CEP128: variants seen among roughly 807,000 people sequenced by gnomAD.
CEP128 encodes the protein centrosomal protein 128, also known as centrosomal protein 128kDa.
A neutral mutation model predicts 156.7 loss-of-function variants in CEP128; 132 were observed. The ratio of observed to expected loss-of-function variants is 0.84; its 90% CI spans 0.73 to 0.97. CEP128 has a LOEUF of 0.97. Ranked by LOEUF, CEP128 falls within the 50% of genes least tolerant of loss-of-function variation. The pLI is 0.00. For missense variants in CEP128, 1,252 were observed against 1,281.9 expected, an observed-to-expected ratio of 0.98 and a Z score of 0.36; for synonymous variants, 469 against 448.9, an observed-to-expected ratio of 1.04 and a Z score of -0.57.
chr14:80,691,597 A>C (rs1896721663), intron 19 of CEP128, among the ~76,000 whole-genome samples: 1 of 152,188 alleles, frequency 6.6e-6, no homozygotes, highest in African/African-American at 2.4e-5. Context: ...TAGATTTATA[A>C]AATTTCAGCT....
intron 19 of CEP128, among the ~76,000 whole-genome samples, chr14:80,634,387 A>G (rs1436449182): frequency 6.6e-6 from 1 of 152,254 alleles, no homozygotes; most frequent in Admixed American, 6.5e-5. Context: ...TAAAGCAATA[A>G]AAATGTTCTC....
intron 23 of CEP128, among the ~76,000 whole-genome samples, chr14:80,513,092 T>C (rs1475490167): frequency 6.6e-6 from 1 of 152,194 alleles, no homozygotes; most frequent in Non-Finnish European, 1.5e-5. Flanking sequence ...TGATATAGTA[T>C]TGCTTGTTAA....
At chr14:80,610,744 T>C (rs1304061658) in intron 19 of CEP128, among the ~76,000 whole-genome samples, 1 of 152,158 alleles carries the variant, frequency 6.6e-6, no homozygotes, top group Non-Finnish European at 1.5e-5. Flanking sequence ...CATGTTATTA[T>C]TCACTGCAGT....
intron 19 of CEP128, among the ~76,000 whole-genome samples, chr14:80,647,399 A>ACTT (rs1566831961): frequency 6.6e-6 from 1 of 151,320 alleles, no homozygotes; most frequent in East Asian, 1.9e-4. Flanking sequence ...TAGTCTAATA[A>ACTT]TTTTTTTTCT....
At chr14:80,809,947 A>G (rs977802618) in intron 13 of CEP128, among the ~76,000 whole-genome samples, 1 of 151,990 alleles carries the variant, frequency 6.6e-6, no homozygotes, top group South Asian at 2.1e-4. Flanking sequence ...TAAAAAAAAG[A>G]CTCAAATTGG....
chr14:80,848,444 G>A (rs1265841457), intron 9 of CEP128, among the ~76,000 whole-genome samples: 1 of 152,158 alleles, frequency 6.6e-6, no homozygotes, highest in Non-Finnish European at 1.5e-5. Flanking sequence ...AGGATCACTT[G>A]AGGCCAGGAG....
At chr14:80,709,198 G>A (rs1897319801) in intron 19 of CEP128, among the ~76,000 whole-genome samples, 1 of 150,278 alleles carries the variant, frequency 6.7e-6, no homozygotes, top group Admixed American at 6.6e-5. Context: ...GACGTGCAAT[G>A]GCATGACCTC....
chr14:80,730,821 A>G (rs988672622), intron 19 of CEP128, among the ~76,000 whole-genome samples: 5 of 152,142 alleles, frequency 3.3e-5, no homozygotes, highest in African/African-American at 9.7e-5. Flanking sequence ...GAAAGGTTTG[A>G]TCTTAGTTTC....
intron 19 of CEP128, among the ~76,000 whole-genome samples, chr14:80,727,769 A>G (rs1898075593): frequency 6.6e-6 from 1 of 152,170 alleles, no homozygotes; most frequent in South Asian, 2.1e-4. Context: ...AAAAAAGTTC[A>G]ACATCACCAA....
At chr14:80,834,306 G>C (rs1231662915) in intron 12 of CEP128, among the ~76,000 whole-genome samples, 1 of 152,004 alleles carries the variant, frequency 6.6e-6, no homozygotes, top group South Asian at 2.1e-4. Flanking sequence ...GTTTCAAGAA[G>C]GAAGAAGAAA....
At chr14:80,636,574 G>A (rs1894188738) in intron 19 of CEP128, among the ~76,000 whole-genome samples, 1 of 152,004 alleles carries the variant, frequency 6.6e-6, no homozygotes, top group East Asian at 1.9e-4. Context: ...CAGTCTTTTG[G>A]TTTTGCACCA....
At chr14:80,504,225 G>C (rs1887867020) in intron 24 of CEP128, among the ~76,000 whole-genome samples, 1 of 152,138 alleles carries the variant, frequency 6.6e-6, no homozygotes. Context: ...ACTATATAGA[G>C]TGCCAAGGAA....
At chr14:80,717,008 AT>A (rs1469736091) in intron 19 of CEP128, among the ~76,000 whole-genome samples, 1 of 152,098 alleles carries the variant, frequency 6.6e-6, no homozygotes, top group Non-Finnish European at 1.5e-5. Context: ...CTCATTAGCC[AT>A]TTTACATCTA....
intron 19 of CEP128, among the ~76,000 whole-genome samples, chr14:80,696,489 A>C (rs541451227): frequency 6.6e-6 from 1 of 152,304 alleles, no homozygotes; most frequent in African/African-American, 2.4e-5. Flanking sequence ...GAAACAACAA[A>C]ATTTAAGGAA....
At chr14:80,556,967 T>C (rs1356729276) in intron 21 of CEP128, among the ~76,000 whole-genome samples, 1 of 152,240 alleles carries the variant, frequency 6.6e-6, no homozygotes, top group Admixed American at 6.5e-5. Context: ...TTCATAATAT[T>C]TGATCGTTAG....
In CEP128 at chr14:80,530,906, G is replaced by A. The variant is rs1338731773; in HGVS notation, c.2881-20C>T. On this transcript the variant is annotated intron_variant, in intron 21 of 24. Coordinates refer to ENST00000555265, the MANE Select transcript of CEP128 (RefSeq NM_152446.5). ...GGTACTCTGAAATAGAAAACATAAG[G>A]AAACCAAACATTATAAAAAATTGAT... 2.0e-6 allele frequency: 3 copies of A among 1,524,910 alleles called. No homozygotes were observed. The highest frequency in any genetic ancestry group is 2.3e-5 in the East Asian group (1 of 43,864). 94.5% of individuals were successfully genotyped at this position (1,524,910 alleles called of 1,614,324 possible).
chr14:80,756,520 T>C (rs1899667308), intron 18 of CEP128, among the ~76,000 whole-genome samples: 1 of 151,504 alleles, frequency 6.6e-6, no homozygotes, highest in Non-Finnish European at 1.5e-5. Context: ...AAATATTGCT[T>C]TTTTCCAGAA....
chr14:80,536,995 A>T (rs1402628908), intron 21 of CEP128, among the ~76,000 whole-genome samples: 1 of 152,242 alleles, frequency 6.6e-6, no homozygotes, highest in African/African-American at 2.4e-5. Flanking sequence ...TTGGGCTAAC[A>T]TCTAAAAGAG....
intron 16 of CEP128, among the ~76,000 whole-genome samples, chr14:80,764,620 G>A (rs1254776792): frequency 6.6e-6 from 1 of 152,186 alleles, no homozygotes; most frequent in Non-Finnish European, 1.5e-5. Flanking sequence ...AGGACTATGG[G>A]CTCACATGGA....
Sources: gnomAD v4.1 joint callset for allele counts (sites outside exome capture counted in the v4.1 genomes callset) on GRCh38, gnomAD v4.1.1 for gene constraint, MANE v1.5 for transcripts, NCBI Gene and HGNC (gene_info 2026-07-23, HGNC 2026-07-21) for gene names.